Variants in GRAMD1B observed in about 807,000 individuals in gnomAD.
GRAMD1B encodes the protein protein Aster-B.
GRAMD1B carries 37 observed loss-of-function variants against 99.7 expected under a neutral mutation model. The observed-to-expected ratio is 0.37, with a 90% CI of 0.29 to 0.49. The LOEUF (loss-of-function observed/expected upper bound fraction) is 0.49. Among genes scored for constraint, GRAMD1B ranks in the 20% least tolerant of loss-of-function variants. The pLI is 0.98. For synonymous variants in GRAMD1B, 427 were observed against 387.6 expected (o/e 1.10, Z -1.19); for missense variants, 888 against 1,009.2 (o/e 0.88, Z 1.63).
chr11:123,494,478 G>A (rs1938988381), intron 2 of GRAMD1B, among the ~76,000 whole-genome samples: 1 of 150,852 alleles, frequency 6.6e-6, no homozygotes, highest in African/African-American at 2.4e-5. Context: ...GGGCAAAGAA[G>A]CAAGTGAGTG....
chr11:123,486,529 C>T (rs1210247717), intron 2 of GRAMD1B, among the ~76,000 whole-genome samples: 1 of 135,160 alleles, frequency 7.4e-6, no homozygotes, highest in East Asian at 2.2e-4. Flanking sequence ...GCCTGGGTGA[C>T]AGAGTGAGAC....
chr11:123,537,680 A>G lies in GRAMD1B; in HGVS notation c.453-39687A>G, dbSNP rs1443219767. On this transcript the variant is annotated intron_variant, in intron 2 of 19. Transcript: ENST00000635736. Reference sequence around the variant, plus strand: ...TCACGTTCTTGCTTTCTTTGATATAAACAAGCAAAACACATTTGTACCTTG... The same window carrying G: ...TCACGTTCTTGCTTTCTTTGATATAGACAAGCAAAACACATTTGTACCTTG... 2.0e-5 allele frequency among the ~76,000 whole-genome samples: 3 copies of G among 152,178 alleles called. No individual in the cohort carries two copies. The East Asian group carries it at 5.8e-4, about 29-fold the overall frequency.
intron 1 of GRAMD1B, among the ~76,000 whole-genome samples, chr11:123,393,517 T>G (rs184346758): frequency 6.6e-6 from 1 of 152,122 alleles, no homozygotes; most frequent in South Asian, 2.1e-4. Context: ...AGTTCCAAGA[T>G]GGCACACTCA....
intron 2 of GRAMD1B, among the ~76,000 whole-genome samples, chr11:123,507,445 C>T (rs1940547483): frequency 6.6e-6 from 1 of 152,182 alleles, no homozygotes; most frequent in Non-Finnish European, 1.5e-5. Flanking sequence ...TCATCCTCAA[C>T]CTTTTTTATT....
At chr11:123,522,335 C>T (rs1942267452) in intron 2 of GRAMD1B, among the ~76,000 whole-genome samples, 1 of 151,840 alleles carries the variant, frequency 6.6e-6, no homozygotes, top group African/African-American at 2.4e-5. Context: ...TCTTTTTTCT[C>T]TTTTGGATGG....
chr11:123,550,892 T>G (rs1354481980), intron 2 of GRAMD1B, among the ~76,000 whole-genome samples: 1 of 152,212 alleles, frequency 6.6e-6, no homozygotes, highest in Non-Finnish European at 1.5e-5. Context: ...CAGTTTGGCC[T>G]TTCTCTTAAA....
chr11:123,488,615 G>A (rs530612067), intron 2 of GRAMD1B, among the ~76,000 whole-genome samples: 2 of 152,130 alleles, frequency 1.3e-5, no homozygotes, highest in Non-Finnish European at 2.9e-5. Flanking sequence ...TGTGAACCTG[G>A]GGAGCCGGAT....
intron 1 of GRAMD1B, among the ~76,000 whole-genome samples, chr11:123,436,806 G>A (rs1485154526): frequency 6.6e-6 from 1 of 151,938 alleles, no homozygotes; most frequent in African/African-American, 2.4e-5. Flanking sequence ...ACAATGTGCA[G>A]GTTTGTTACA....
intron 1 of GRAMD1B, among the ~76,000 whole-genome samples, chr11:123,477,916 AG>A (rs908329719): frequency 6.6e-6 from 1 of 151,750 alleles, no homozygotes; most frequent in Admixed American, 6.6e-5. Flanking sequence ...CTGGGATTAC[AG>A]GCGCTTGCCA....
At chr11:123,420,120 G>T (rs1948378251) in intron 1 of GRAMD1B, among the ~76,000 whole-genome samples, 1 of 152,208 alleles carries the variant, frequency 6.6e-6, no homozygotes, top group Admixed American at 6.5e-5. Context: ...TACTTTTAAA[G>T]GTCTTTTATT....
intron 1 of GRAMD1B, among the ~76,000 whole-genome samples, chr11:123,423,049 C>T (rs1378724909): frequency 1.3e-5 from 2 of 152,122 alleles, no homozygotes; most frequent in Non-Finnish European, 2.9e-5. Context: ...TTTTCAGAAA[C>T]TTCACACTAC....
chr11:123,471,363 C>T (rs941288263), intron 1 of GRAMD1B, among the ~76,000 whole-genome samples: 1 of 152,098 alleles, frequency 6.6e-6, no homozygotes, highest in Non-Finnish European at 1.5e-5. Context: ...TGCTCTATAC[C>T]CAGTATCTAG....
At chr11:123,417,753 A>G (rs1565485580) in intron 1 of GRAMD1B, among the ~76,000 whole-genome samples, 1 of 152,140 alleles carries the variant, frequency 6.6e-6, no homozygotes, top group Non-Finnish European at 1.5e-5. Context: ...CCTGGACAAC[A>G]TGGAGAAACC....
chr11:123,495,603 T>C (rs759593775), intron 2 of GRAMD1B, among the ~76,000 whole-genome samples: 71 of 151,842 alleles, frequency 4.7e-4, no homozygotes, highest in Admixed American at 1.3e-3. Context: ...CTACTCTCTT[T>C]CTCCATGAGT....
intron 2 of GRAMD1B, among the ~76,000 whole-genome samples, chr11:123,547,155 G>A (rs961139765): frequency 3.3e-5 from 5 of 152,210 alleles, no homozygotes; most frequent in Non-Finnish European, 7.3e-5. Flanking sequence ...TGGGCTGAGC[G>A]AGATTGAAAG....
chr11:123,583,042 GTATA>G (rs1031944251), intron 3 of GRAMD1B, among the ~76,000 whole-genome samples: 3 of 151,858 alleles, frequency 2.0e-5, no homozygotes, highest in African/African-American at 7.3e-5. Context: ...ATGTATGTGT[GTATA>G]TATGTGTGTC....
At chr11:123,405,918 A>G (rs1753964876) in intron 1 of GRAMD1B, among the ~76,000 whole-genome samples, 1 of 152,126 alleles carries the variant, frequency 6.6e-6, no homozygotes, top group African/African-American at 2.4e-5. Flanking sequence ...ATTCTTTTTC[A>G]GTATTTTGTG....
chr11:123,592,243 G>A (rs962182902), intron 4 of GRAMD1B, among the ~76,000 whole-genome samples: 1 of 152,180 alleles, frequency 6.6e-6, no homozygotes, highest in Non-Finnish European at 1.5e-5. Context: ...TCATTCTCAA[G>A]GGAGTGTGCT....
intron 1 of GRAMD1B, among the ~76,000 whole-genome samples, chr11:123,449,683 T>G (rs562330732): frequency 6.6e-6 from 1 of 150,490 alleles, no homozygotes; most frequent in Non-Finnish European, 1.5e-5. Context: ...CTTGAATAGC[T>G]GGGTCTGCAG....
Sources: gnomAD v4.1 joint callset for allele counts (sites outside exome capture counted in the v4.1 genomes callset) on GRCh38, gnomAD v4.1.1 for gene constraint, MANE v1.5 for transcripts, NCBI Gene and HGNC (gene_info 2026-07-23, HGNC 2026-07-21) for gene names.